Variants in BAD observed in about 807,000 individuals in gnomAD.
BAD encodes the protein bcl2-associated agonist of cell death.
In BAD, 18 loss-of-function variants were observed where a neutral mutation model predicts 17.8. That is an observed-to-expected ratio of 1.01 (90% CI 0.70 to 1.50). BAD has a LOEUF of 1.50. BAD is among the 40% of genes most tolerant of loss of function. The pLI is 0.00. For synonymous variants in BAD, 112 were observed against 91.5 expected (o/e 1.22, Z -1.28); for missense variants, 294 against 239.3 (o/e 1.23, Z -1.51).
chr11:64,276,659 C>T, intron 2 of BAD: 1 of 486,254 alleles, frequency 2.1e-6, no homozygotes, highest in Non-Finnish European at 3.7e-6. Context: ...GTTCTATTTA[C>T]AGGGAAAAAC....
chr11:64,280,193 G>A (rs1169157027), intron 2 of BAD, among the ~76,000 whole-genome samples: 1 of 150,866 alleles, frequency 6.6e-6, no homozygotes, highest in Admixed American at 6.6e-5. Context: ...GGTGGCGGGA[G>A]GCTGTAGTCC....
At chr11:64,279,046 C>T (rs867194091) in intron 2 of BAD, among the ~76,000 whole-genome samples, 1 of 152,174 alleles carries the variant, frequency 6.6e-6, no homozygotes, top group East Asian at 1.9e-4. Flanking sequence ...GGGGAGGTGT[C>T]GTCCCTGGCC....
intron 2 of BAD, among the ~76,000 whole-genome samples, chr11:64,275,402 C>G (rs942595462): frequency 2.6e-5 from 4 of 152,176 alleles, no homozygotes; most frequent in Admixed American, 2.0e-4. Context: ...TGGCCACATT[C>G]CTGCTCTGAC....
chr11:64,279,072 T>C (rs1175475266), intron 2 of BAD, among the ~76,000 whole-genome samples: 7 of 152,156 alleles, frequency 4.6e-5, no homozygotes, highest in African/African-American at 1.7e-4. Context: ...AGAATGTTAC[T>C]CCTGTCCTCT....
At chr11:64,272,706 A>G (rs1299838123) in intron 2 of BAD, 1 of 152,200 alleles carries the variant, frequency 6.6e-6, no homozygotes, top group African/African-American at 2.4e-5. Context: ...AAGCTTAGAG[A>G]GTTAAGACTT....
chr11:64,272,638 A>G (rs1458214733), intron 2 of BAD: 5 of 152,210 alleles, frequency 3.3e-5, no homozygotes, highest in African/African-American at 4.8e-5. Context: ...ACATTCCCTT[A>G]TTATCCTCCT....
rs1357118305 is a variant in BAD, at chr11:64,271,992, A to G, written c.188-189T>C. ...GGGGAAGCTCAGGGGCCTTTGGTGA[A>G]GATTTAGGTTAACTTCTCATTAATC... is the stretch of plus-strand genomic sequence containing the variant. On this transcript the variant is annotated intron_variant, in intron 2 of 3. Transcript: ENST00000309032. 8 of 423,026 alleles carry G rather than the reference A, an allele frequency of 1.9e-5. No homozygotes were observed. The East Asian group carries it at 2.8e-4, about 15-fold the overall frequency. The allele number at this position is 423,026 out of a possible 1,614,324, so 26.2% of individuals were successfully genotyped here.
intron 2 of BAD, among the ~76,000 whole-genome samples, chr11:64,272,117 G>A (rs144256002): frequency 0.022 from 3,404 of 152,260 alleles, 46 homozygotes; most frequent in Non-Finnish European, 0.035. Flanking sequence ...TCAGGAGATC[G>A]AGACCATCCT....
At chr11:64,276,592 G>A (rs911463223) in intron 2 of BAD, among the ~76,000 whole-genome samples, 1 of 152,212 alleles carries the variant, frequency 6.6e-6, no homozygotes, top group African/African-American at 2.4e-5. Flanking sequence ...CCCCCAAAGT[G>A]CTGGGATTAC....
At chr11:64,271,498 T>G in intron 3 of BAD, 115 bp downstream of exon 3, 3 of 1,091,708 alleles carry the variant, frequency 2.7e-6, no homozygotes, top group Non-Finnish European at 3.6e-6. Flanking sequence ...CAGGACGGCT[T>G]TGGGGAGGGG....
intron 3 of BAD, among the ~76,000 whole-genome samples, chr11:64,271,372 C>T (rs577338102): frequency 6.7e-5 from 7 of 105,064 alleles, no homozygotes; most frequent in African/African-American, 2.1e-4. Context: ...TCCCAGCATG[C>T]CCTGTGACTC....
intron 2 of BAD, among the ~76,000 whole-genome samples, chr11:64,282,242 G>A (rs536479617): frequency 1.3e-5 from 2 of 152,130 alleles, no homozygotes; most frequent in East Asian, 3.9e-4. Flanking sequence ...GAGTGTGTGT[G>A]GGGGGCAGAG....
intron 1 of BAD, 100 bp from the exon 2 acceptor site, chr11:64,284,476 GC>G (rs1285317010): frequency 1.3e-6 from 2 of 1,590,140 alleles, no homozygotes; most frequent in Admixed American, 1.7e-5. Flanking sequence ...CCACCGTAGC[GC>G]CCCCAGGCCC....
rs201046961 is a variant in BAD, at chr11:64,270,238, C to T, written c.478G>A (p.Gly160Ser). The change falls in exon 4 of 4, where the codon GGC becomes AGC. Residue 160 changes from glycine to serine, a missense_variant. Gly to Ser is a moderately conservative substitution (Grantham distance 56, BLOSUM62 0). Coordinates refer to ENST00000309032, the MANE Select transcript of BAD (RefSeq NM_032989.3). ...TGGGAGGGGGCGGAGCTTCCCCTGC[C>T]CAAGTTCCGATCCCACCAGGACTGG... ...VFQSWWDRNL[G>S]RGSSAPSQ The T allele has an allele frequency of 8.1e-6, 13 of 1,612,376 alleles. No homozygotes were observed. In the South Asian group the frequency reaches 1.4e-4, roughly 18 times the overall value.
At chr11:64,282,321 G>C (rs1487491482) in intron 2 of BAD, among the ~76,000 whole-genome samples, 2 of 152,224 alleles carry the variant, frequency 1.3e-5, no homozygotes, top group African/African-American at 4.8e-5. Flanking sequence ...AGCTGTGGAG[G>C]CTGAGCATGG....
intron 2 of BAD, among the ~76,000 whole-genome samples, chr11:64,281,600 T>C (rs982671375): frequency 6.6e-6 from 1 of 152,138 alleles, no homozygotes; most frequent in Non-Finnish European, 1.5e-5. Context: ...CATCTGCCCT[T>C]CTCTCTGCCT....
At chr11:64,272,481 C>G (rs1184734171) in intron 2 of BAD, among the ~76,000 whole-genome samples, 2 of 152,134 alleles carry the variant, frequency 1.3e-5, no homozygotes, top group African/African-American at 2.4e-5. Context: ...TTGAATGCCT[C>G]CTCTGCAAGG....
chr11:64,276,298 T>TTGTGTGTGTG (rs1555068869), intron 2 of BAD: 1 of 146,068 alleles, frequency 6.8e-6, no homozygotes, highest in Non-Finnish European at 1.5e-5. Flanking sequence ...GTGTATATAT[T>TTGTGTGTGTG]TGTGTGTGTG....
Position 64,271,749 on chromosome 11 carries a change from T to C in BAD, c.242A>G (p.Glu81Gly). The C allele has an allele frequency of 6.9e-7, 1 of 1,450,406 alleles. No individual in the cohort carries two copies. Among genetic ancestry groups the C allele is most frequent in the Non-Finnish European group, 9.1e-7 (1 of 1,101,964 alleles). 89.8% of individuals were successfully genotyped at this position (1,450,406 alleles called of 1,614,324 possible). The change falls in exon 3 of 4, where the codon GAG (glutamate) becomes GGG (glycine). Residue 81 changes from glutamate to glycine, a missense_variant. By Grantham distance (98) the Glu-to-Gly change is moderately conservative. Transcript: ENST00000309032. Reference protein sequence around the residue: ...SRHSSYPAGTEDDEGMGEEPS... With the variant: ...SRHSSYPAGTGDDEGMGEEPS... ...CTCCTCCCCCATCCCTTCGTCGTCC[T>C]CCGTCCCCGCGGGGTAGGAGCTGTG...
Sources: gnomAD v4.1 joint callset for allele counts (sites outside exome capture counted in the v4.1 genomes callset) on GRCh38, gnomAD v4.1.1 for gene constraint, MANE v1.5 for transcripts, NCBI Gene and HGNC (gene_info 2026-07-23, HGNC 2026-07-21) for gene names.